The following DCP1B variants were observed in gnomAD, a reference collection of about 807,000 sequenced individuals.
The protein encoded by DCP1B is decapping mRNA 1B, also known as mRNA-decapping enzyme 1B.
In DCP1B, 47 loss-of-function variants were observed where a neutral mutation model predicts 60.5. The ratio of observed to expected loss-of-function variants is 0.78; its 90% confidence interval spans 0.61 to 0.99. The LOEUF (loss-of-function observed/expected upper bound fraction) is 0.99. Ranked by LOEUF, DCP1B falls within the 50% of genes least tolerant of loss-of-function variation. The pLI is 0.00. For synonymous variants in DCP1B, 267 were observed against 280.3 expected (o/e 0.95, Z 0.47); for missense variants, 725 against 756.8 (o/e 0.96, Z 0.49).
chr12:2,004,144 C>T (rs1403610338), intron 1 of DCP1B, 138 bp downstream of exon 1: 2 of 1,250,132 alleles, frequency 1.6e-6, no homozygotes, highest in Non-Finnish European at 2.2e-6. Flanking sequence ...TCCACAACTT[C>T]GGCCTCAGTC....
intron 3 of DCP1B, among the ~76,000 whole-genome samples, chr12:1,970,411 G>GA (rs555076784): frequency 0.028 from 4,140 of 150,342 alleles, 90 homozygotes; most frequent in Middle Eastern, 0.056. Context: ...AGCCAAAGGG[G>GA]AAAAAAAAAC....
intron 3 of DCP1B, among the ~76,000 whole-genome samples, chr12:1,981,530 C>T (rs2036129717): frequency 1.3e-5 from 2 of 152,098 alleles, no homozygotes; most frequent in Non-Finnish European, 2.9e-5. Context: ...CTAGTAATTG[C>T]CTTTATTTCT....
chr12:1,965,632 T>A lies in DCP1B; in HGVS notation c.448A>T (p.Ile150Phe). The stretch of plus-strand genomic sequence containing the variant: ...TCTTTGCCCTCTCCTGAATTGAGGA[T>A]CACTGGGGAAATTCCTGCTCCAGTT... ...QGTGAGISPV[I>F]LNSGEGKEVD... The change falls in exon 5 of 9, where the codon ATC (isoleucine) becomes TTC (phenylalanine). Residue 150 changes from isoleucine to phenylalanine, a missense_variant. Coordinates refer to ENST00000280665, the MANE Select transcript of DCP1B (RefSeq NM_152640.5). 6.2e-7 allele frequency: 1 copy of A among 1,614,028 alleles called. No homozygotes were observed. Among genetic ancestry groups the A allele is most frequent in the Non-Finnish European group, 8.5e-7 (1 of 1,179,932 alleles).
chr12:1,946,919 C>T (rs2030449242), intron 8 of DCP1B, among the ~76,000 whole-genome samples: 1 of 152,108 alleles, frequency 6.6e-6, no homozygotes, highest in African/African-American at 2.4e-5. Context: ...TGGTCTTGAA[C>T]TCCTGGGCTC....
chr12:2,001,674 G>T (rs990511466), intron 1 of DCP1B, among the ~76,000 whole-genome samples: 2 of 152,154 alleles, frequency 1.3e-5, no homozygotes, highest in African/African-American at 2.4e-5. Context: ...AAATGCCTGG[G>T]TCTCATTATC....
chr12:1,994,188 T>C (rs1024634164), intron 2 of DCP1B, among the ~76,000 whole-genome samples: 4 of 152,210 alleles, frequency 2.6e-5, no homozygotes, highest in Non-Finnish European at 5.9e-5. Flanking sequence ...AGCCATATAG[T>C]AATTCAACTG....
intron 1 of DCP1B, 137 bp downstream of exon 1, chr12:2,004,145 G>A (rs962300744): frequency 3.5e-6 from 4 of 1,136,832 alleles, no homozygotes; most frequent in Non-Finnish European, 4.7e-6. Flanking sequence ...CCACAACTTC[G>A]GCCTCAGTCC....
chr12:1,946,847 G>A (rs577153078), intron 8 of DCP1B, among the ~76,000 whole-genome samples: 2 of 152,212 alleles, frequency 1.3e-5, no homozygotes, highest in Admixed American at 1.3e-4. Context: ...CTACAGGTGC[G>A]TGCTACCATG....
intron 3 of DCP1B, among the ~76,000 whole-genome samples, chr12:1,970,409 G>A (rs1256103854): frequency 6.6e-6 from 1 of 151,380 alleles, no homozygotes; most frequent in Non-Finnish European, 1.5e-5. Context: ...ATAGCCAAAG[G>A]GGAAAAAAAA....
At chr12:1,959,876 C>T (rs890507524) in intron 5 of DCP1B, among the ~76,000 whole-genome samples, 13 of 151,278 alleles carry the variant, frequency 8.6e-5, no homozygotes, top group African/African-American at 1.5e-4. Flanking sequence ...AGGAGAATGG[C>T]GTGAACCCAG....
chr12:1,945,369 G>T (rs943628282), downstream of DCP1B, among the ~76,000 whole-genome samples: 19 of 152,208 alleles, frequency 1.2e-4, no homozygotes, highest in Admixed American at 2.0e-4. Context: ...AGACAGTGTG[G>T]TGATTCCTCA....
chr12:1,951,639 A>G (rs2030673117), intron 7 of DCP1B, among the ~76,000 whole-genome samples: 1 of 152,196 alleles, frequency 6.6e-6, no homozygotes. Flanking sequence ...ACAGAGAAAG[A>G]TAAAAACTGG....
downstream of DCP1B, among the ~76,000 whole-genome samples, chr12:1,945,250 A>G: frequency 6.6e-6 from 1 of 152,250 alleles, no homozygotes; most frequent in East Asian, 1.9e-4. Context: ...ACCAGTTACA[A>G]TGGTGATCAT....
downstream of DCP1B, among the ~76,000 whole-genome samples, chr12:1,945,301 G>C: frequency 6.6e-6 from 1 of 152,224 alleles, no homozygotes; most frequent in Non-Finnish European, 1.5e-5. Context: ...AGGATGTGGA[G>C]AAACAGGAAC....
At chr12:1,965,204 C>T (rs898529800) in intron 5 of DCP1B, among the ~76,000 whole-genome samples, 1 of 151,952 alleles carries the variant, frequency 6.6e-6, no homozygotes. Flanking sequence ...GCCCATTTCT[C>T]GTGAATTTTA....
At chr12:1,999,334 G>A (rs893324409) in intron 1 of DCP1B, among the ~76,000 whole-genome samples, 1 of 152,160 alleles carries the variant, frequency 6.6e-6, no homozygotes, top group Admixed American at 6.5e-5. Flanking sequence ...CTATTATCAA[G>A]AGTAAATGGC....
At position 1,952,921 on chromosome 12, in the gene DCP1B, A is replaced by G. The variant is rs540468244; in HGVS notation, c.1019T>C (p.Ile340Thr). 1.5e-5 allele frequency: 25 copies of G among 1,614,134 alleles called. 1 individual carries two copies. Among genetic ancestry groups the G allele is most frequent in the South Asian group, 1.1e-4 (10 of 91,086 alleles). Residue 340 changes from isoleucine to threonine, a missense_variant, in exon 7 of 9, where the codon ATT becomes ACT. Transcript: ENST00000280665. ...GPVQPGSPHN[I>T]GTSRGVQNAS... ...ATTTTGTACACCACGAGAAGTTCCAATGTTGTGAGGAGACCCTGGCTGGAC... is the reference window on the plus strand; with the variant it reads ...ATTTTGTACACCACGAGAAGTTCCAGTGTTGTGAGGAGACCCTGGCTGGAC...
At chr12:1,946,358 G>C (rs2030423064) in intron 8 of DCP1B, 72 bp from the exon 9 acceptor site, 3 of 1,217,266 alleles carry the variant, frequency 2.5e-6, no homozygotes, top group South Asian at 3.1e-5. Flanking sequence ...CTCTGTCTTA[G>C]AGCTGAACTG....
At chr12:1,996,958 T>C (rs61908043) in intron 2 of DCP1B, among the ~76,000 whole-genome samples, 3,477 of 152,330 alleles carry the variant, frequency 0.023, 43 homozygotes, top group Middle Eastern at 0.061. Flanking sequence ...GGTCTTTTAA[T>C]TTCATCTTTG....
Sources: allele counts gnomAD v4.1 joint callset (sites outside exome capture counted in the v4.1 genomes callset), GRCh38; gene constraint gnomAD v4.1.1; transcripts MANE v1.5; gene names NCBI Gene and HGNC (gene_info 2026-07-23, HGNC 2026-07-21).